Variants in SNX18 observed in about 807,000 individuals in gnomAD.
SNX18 encodes sorting nexin-18.
SNX18 carries 35 observed loss-of-function variants against 48.7 expected under a neutral mutation model. The observed-to-expected ratio is 0.72, with a 90% CI of 0.55 to 0.95. The LOEUF is 0.95. Ranked by LOEUF, SNX18 falls within the 40% of genes least tolerant of loss-of-function variation. SNX18 has a pLI of 0.00. For synonymous variants in SNX18, 492 were observed against 384.7 expected, an observed-to-expected ratio of 1.28 and a Z score of -3.26; for missense variants, 824 against 871.0, an observed-to-expected ratio of 0.95 and a Z score of 0.68.
chr5:54,628,942 G>A, the SNX18 span, among the ~76,000 whole-genome samples: 1 of 152,160 alleles, frequency 6.6e-6, no homozygotes, highest in Non-Finnish European at 1.5e-5. Flanking sequence ...CAGAATTGGT[G>A]GCTCCCTGCT....
At chr5:54,573,256 T>C in the SNX18 span, among the ~76,000 whole-genome samples, 1 of 152,204 alleles carries the variant, frequency 6.6e-6, no homozygotes, top group Non-Finnish European at 1.5e-5. Flanking sequence ...CTCCTTACTT[T>C]CAGGAACATC....
the SNX18 span, among the ~76,000 whole-genome samples, chr5:54,567,356 G>A: frequency 6.6e-6 from 1 of 151,906 alleles, no homozygotes; most frequent in African/African-American, 2.4e-5. Context: ...GGTGAGAGGT[G>A]GAGCGTGAAG....
At chr5:54,608,868 G>T in the SNX18 span, among the ~76,000 whole-genome samples, 19 of 152,300 alleles carry the variant, frequency 1.2e-4, no homozygotes, top group Admixed American at 4.6e-4. Context: ...GTGTGTAAAG[G>T]TCATTAGGTC....
At chr5:54,633,483 A>C in the SNX18 span, among the ~76,000 whole-genome samples, 5 of 152,208 alleles carry the variant, frequency 3.3e-5, no homozygotes, top group African/African-American at 1.2e-4. Flanking sequence ...AGGACCCCAC[A>C]AGGGAATGGA....
the SNX18 span, among the ~76,000 whole-genome samples, chr5:54,592,011 T>C: frequency 6.6e-6 from 1 of 152,264 alleles, no homozygotes; most frequent in South Asian, 2.1e-4. Flanking sequence ...CAATTGTTTA[T>C]TAATCATAAG....
chr5:54,560,769 C>T, the SNX18 span, among the ~76,000 whole-genome samples: 1 of 152,250 alleles, frequency 6.6e-6, no homozygotes, highest in African/African-American at 2.4e-5. Flanking sequence ...ATTTTGGCAG[C>T]AGAATCCAGC....
the SNX18 span, among the ~76,000 whole-genome samples, chr5:54,614,110 T>C: frequency 2.1e-4 from 32 of 152,232 alleles, no homozygotes; most frequent in Non-Finnish European, 4.4e-4. Context: ...GAACAAAAGT[T>C]GCCAAGGGCA....
downstream of SNX18, among the ~76,000 whole-genome samples, chr5:54,550,059 G>A (rs898292983): frequency 3.3e-5 from 5 of 152,224 alleles, no homozygotes; most frequent in African/African-American, 1.2e-4. Context: ...GCTTAAAGCT[G>A]ATGGTGCTTC....
At chr5:54,585,243 TA>T in the SNX18 span, among the ~76,000 whole-genome samples, 1 of 150,760 alleles carries the variant, frequency 6.6e-6, no homozygotes, top group African/African-American at 2.4e-5. Context: ...AGTGAGTTGT[TA>T]CCATGCTCCT....
At chr5:54,611,769 T>G in the SNX18 span, among the ~76,000 whole-genome samples, 1 of 151,982 alleles carries the variant, frequency 6.6e-6, no homozygotes, top group Non-Finnish European at 1.5e-5. Flanking sequence ...CTGGAAATGA[T>G]GGGGAAGCAA....
rs375363412 is a variant in SNX18 at position 54,524,260 on chromosome 5, C to T, written c.1621+4687C>T. On this transcript the variant is annotated intron_variant, in intron 1 of 1. Coordinates refer to ENST00000381410, the MANE Select transcript of SNX18 (RefSeq NM_001102575.2). ...GACTGCCCAAGGACAGTCTTGGGCACGAAACTGGGTGTGGGCACCGCTCAT... is the reference window on the plus strand; with the variant it reads ...GACTGCCCAAGGACAGTCTTGGGCATGAAACTGGGTGTGGGCACCGCTCAT... Among the ~76,000 whole-genome samples, 84 of 152,222 alleles carry T rather than the reference C, an allele frequency of 5.5e-4. 1 individual carries two copies. Among genetic ancestry groups the T allele is most frequent in the East Asian group, 1.9e-3 (10 of 5,176 alleles).
intron 1 of SNX18, among the ~76,000 whole-genome samples, chr5:54,537,417 A>T (rs548527563): frequency 6.6e-6 from 1 of 152,336 alleles, no homozygotes; most frequent in South Asian, 2.1e-4. Context: ...GCTATTCCAG[A>T]TGCAGCTAAC....
At chr5:54,552,691 C>T in the SNX18 span, among the ~76,000 whole-genome samples, 461 of 152,276 alleles carry the variant, frequency 3.0e-3, 1 homozygote, top group Non-Finnish European at 4.9e-3. Context: ...TTATTGAATG[C>T]TTGTTGTGCT....
the SNX18 span, among the ~76,000 whole-genome samples, chr5:54,553,420 C>T: frequency 0.15 from 22,380 of 152,018 alleles, 2,089 homozygotes; most frequent in Middle Eastern, 0.27. Flanking sequence ...CACCATGTCC[C>T]CAGTCTTGGC....
At chr5:54,591,316 A>G in the SNX18 span, among the ~76,000 whole-genome samples, 1 of 152,224 alleles carries the variant, frequency 6.6e-6, no homozygotes, top group East Asian at 1.9e-4. Flanking sequence ...AGTAGCTGGG[A>G]CTACAGGCCT....
At chr5:54,562,764 G>C in the SNX18 span, among the ~76,000 whole-genome samples, 1 of 152,308 alleles carries the variant, frequency 6.6e-6, no homozygotes, top group East Asian at 1.9e-4. Flanking sequence ...CTTATGAAAA[G>C]AAAGTTAACT....
the SNX18 span, among the ~76,000 whole-genome samples, chr5:54,574,254 T>C: frequency 1.3e-5 from 2 of 152,212 alleles, no homozygotes; most frequent in African/African-American, 4.8e-5. Context: ...TCCATGAGGC[T>C]GCCCTACTTC....
At chr5:54,531,335 T>C (rs1664184581) in intron 1 of SNX18, among the ~76,000 whole-genome samples, 1 of 152,098 alleles carries the variant, frequency 6.6e-6, no homozygotes, top group South Asian at 2.1e-4. Flanking sequence ...AAGCCAGTGA[T>C]AGAAGAGGTA....
chr5:54,640,210 CT>C, the SNX18 span, among the ~76,000 whole-genome samples: 5,119 of 146,188 alleles, frequency 0.035, 272 homozygotes, highest in African/African-American at 0.12. Flanking sequence ...GAAATAGATT[CT>C]TTTTTTTTTT....
Sources: gnomAD v4.1 joint callset for allele counts (sites outside exome capture counted in the v4.1 genomes callset) on GRCh38, gnomAD v4.1.1 for gene constraint, MANE v1.5 for transcripts, NCBI Gene and HGNC (gene_info 2026-07-23, HGNC 2026-07-21) for gene names.